AGAP1: variants seen among roughly 807,000 people sequenced by gnomAD.
AGAP1 encodes ArfGAP with GTPase domain, ankyrin repeat and PH domain 1, also known as arf-GAP with GTPase, ANK repeat and PH domain-containing protein 1.
A neutral mutation model predicts 105.3 loss-of-function variants in AGAP1; 29 were observed. The ratio of observed to expected loss-of-function variants is 0.28; its 90% CI spans 0.21 to 0.38. The LOEUF (loss-of-function observed/expected upper bound fraction) is 0.38, where lower values mean the gene tolerates loss of function less well. AGAP1 is among the 10% of genes least tolerant of loss of function. The pLI, the probability that AGAP1 is intolerant of heterozygous loss-of-function variation, is 1.00. For missense variants in AGAP1, 998 were observed against 1,165.1 expected (o/e 0.86, Z 2.09); for synonymous variants, 509 against 485.9 (o/e 1.05, Z -0.63).
rs962221388 is a variant in AGAP1, at chr2:236,003,408, G to A, written c.1646-33153G>A. On this transcript the variant is annotated intron_variant, in intron 13 of 17. Coordinates refer to ENST00000304032, the MANE Select transcript of AGAP1 (RefSeq NM_001037131.3). The surrounding 1 kb of genome is among the most constrained non-coding windows in gnomAD (Gnocchi z 4.2). Reference sequence around the variant, plus strand: ...GGCCTTGACCTCACGCAGCAGGGGAGGATGCTGGCCCACACCAAGGCACCA... The same window carrying A: ...GGCCTTGACCTCACGCAGCAGGGGAAGATGCTGGCCCACACCAAGGCACCA... Among the ~76,000 whole-genome samples the A allele has an allele frequency of 6.6e-6, 1 of 152,152 alleles. No homozygotes were observed. The highest frequency in any genetic ancestry group is 2.4e-5 in the African/African-American group (1 of 41,434).
chr2:235,589,788 C>T (rs1011475993), intron 1 of AGAP1, among the ~76,000 whole-genome samples: 1 of 152,092 alleles, frequency 6.6e-6, no homozygotes, highest in African/African-American at 2.4e-5. Flanking sequence ...CCAGGACTCA[C>T]TCTGAGTTGG....
chr2:236,103,399 A>G (rs2059407169), intron 16 of AGAP1, among the ~76,000 whole-genome samples: 1 of 151,914 alleles, frequency 6.6e-6, no homozygotes, highest in African/African-American at 2.4e-5. Context: ...TTTTGTTCAC[A>G]GCCTGTGCAG....
chr2:235,811,483 A>G (rs910484628), intron 9 of AGAP1, among the ~76,000 whole-genome samples: 3 of 152,254 alleles, frequency 2.0e-5, no homozygotes, highest in Admixed American at 2.0e-4. Context: ...TTCAGAGAAT[A>G]AAAAAGAATA....
chr2:235,672,702 CTG>C (rs2149366557), intron 1 of AGAP1, among the ~76,000 whole-genome samples: 1 of 152,324 alleles, frequency 6.6e-6, no homozygotes, highest in East Asian at 1.9e-4. Context: ...CAGTAATTAG[CTG>C]CCTCGGTTCC....
At chr2:235,975,982 A>C (rs10165512) in intron 13 of AGAP1, among the ~76,000 whole-genome samples, 4 of 152,206 alleles carry the variant, frequency 2.6e-5, no homozygotes, top group Non-Finnish European at 4.4e-5. Context: ...TCATTATAGC[A>C]AATGTGGAAA....
chr2:235,941,470 A>G (rs926957598), intron 12 of AGAP1, among the ~76,000 whole-genome samples: 3 of 152,236 alleles, frequency 2.0e-5, no homozygotes, highest in African/African-American at 7.2e-5. Context: ...GAATCGACGG[A>G]TAATCACTAA....
In AGAP1 at chr2:235,777,411, T is replaced by C. The variant is rs138888973; in HGVS notation, c.674-20348T>C. 2.0e-5 allele frequency among the ~76,000 whole-genome samples: 3 copies of C among 152,266 alleles called. No individual in the cohort carries two copies. The highest frequency in any genetic ancestry group is 7.2e-5 in the African/African-American group (3 of 41,560). ...GAGCTGGAGACAGAACCAGCAGACA[T>C]GGGACAGAAGAAGAATTACAGGTGT... On this transcript the variant is annotated intron_variant, in intron 6 of 17. Coordinates refer to ENST00000304032, the MANE Select transcript of AGAP1 (RefSeq NM_001037131.3). The surrounding 1 kb of genome is among the most constrained non-coding windows in gnomAD (Gnocchi z 5.1).
chr2:235,686,648 TATATATATATA>T (rs1949444158), intron 1 of AGAP1, among the ~76,000 whole-genome samples: 1 of 47,622 alleles, frequency 2.1e-5, no homozygotes, highest in African/African-American at 1.1e-4. Flanking sequence ...TATATATAGA[TATATATATATA>T]TATATATTTT....
chr2:235,943,514 T>A (rs890169434), intron 12 of AGAP1, among the ~76,000 whole-genome samples: 67 of 152,136 alleles, frequency 4.4e-4, no homozygotes, highest in African/African-American at 1.6e-3. Context: ...TATGCCTGGC[T>A]AATTTTTGTA....
chr2:236,070,721 A>G (rs941492708), intron 16 of AGAP1, among the ~76,000 whole-genome samples: 7 of 152,182 alleles, frequency 4.6e-5, no homozygotes, highest in Admixed American at 6.5e-5. Context: ...AATGGCCAGA[A>G]TAGGCCAATC....
At chr2:235,654,277 T>G (rs1024981878) in intron 1 of AGAP1, among the ~76,000 whole-genome samples, 4 of 152,220 alleles carry the variant, frequency 2.6e-5, no homozygotes, top group African/African-American at 7.2e-5. Context: ...TCGCCTGGCC[T>G]CTTTGTGGCA....
rs115926624 is a variant in AGAP1 at position 235,810,259 on chromosome 2, C to T, written c.1050+2928C>T. Among the ~76,000 whole-genome samples the T allele has an allele frequency of 3.1e-3, 470 of 151,542 alleles. 3 individuals are homozygous for T. Among genetic ancestry groups the T allele is most frequent in the African/African-American group, 0.011 (454 of 40,824 alleles). The stretch of plus-strand genomic sequence containing the variant: ...CGGGTGGGAGGCGTCATTCCATTCC[C>T]ATCCTTACCGTGTTTGCCGCAAACA... On this transcript the variant is annotated intron_variant, in intron 9 of 17. Coordinates refer to ENST00000304032, the MANE Select transcript of AGAP1 (RefSeq NM_001037131.3).
chr2:235,937,194 C>G (rs1010263141), intron 12 of AGAP1, among the ~76,000 whole-genome samples: 1 of 152,180 alleles, frequency 6.6e-6, no homozygotes, highest in Non-Finnish European at 1.5e-5. Context: ...TCTCTCAAAG[C>G]TGGGCACTCC....
At chr2:235,897,705 CAGTA>C (rs1194300565) in intron 10 of AGAP1, among the ~76,000 whole-genome samples, 4 of 152,172 alleles carry the variant, frequency 2.6e-5, no homozygotes, top group Non-Finnish European at 5.9e-5. Flanking sequence ...TCCTCAGCAA[CAGTA>C]AGTCACAGCC....
In AGAP1 at chr2:236,109,491, T is replaced by A. The variant is rs1371880634; in HGVS notation, c.2115-10701T>A. ...GAGGAGGAAGGAAAAACTGAGATGATCTAGATCCGTGCATCCTCTGTAATG... is the reference window on the plus strand; with the variant it reads ...GAGGAGGAAGGAAAAACTGAGATGAACTAGATCCGTGCATCCTCTGTAATG... On this transcript the variant is annotated intron_variant, in intron 16 of 17. Transcript: ENST00000304032. This position sits in a 1 kb window ranked among gnomAD's most constrained non-coding sequence, Gnocchi z 5.4. Among the ~76,000 whole-genome samples the A allele has an allele frequency of 6.6e-6, 1 of 152,200 alleles. No homozygotes were observed. Among genetic ancestry groups the A allele is most frequent in the Non-Finnish European group, 1.5e-5 (1 of 68,034 alleles).
chr2:235,832,556 A>G (rs2106348194), intron 9 of AGAP1, among the ~76,000 whole-genome samples: 1 of 152,362 alleles, frequency 6.6e-6, no homozygotes. Flanking sequence ...AATGGGTGAC[A>G]TTTTATAAGT....
chr2:235,572,167 T>C (rs1256291759), intron 1 of AGAP1, among the ~76,000 whole-genome samples: 1 of 151,744 alleles, frequency 6.6e-6, no homozygotes, highest in South Asian at 2.1e-4. Flanking sequence ...GAAGAAAGTG[T>C]TACCAGGTGG....
rs562133972 is a variant in AGAP1, at chr2:236,131,484, T to G, written c.*7362T>G. 6.6e-6 allele frequency: 1 copy of G among 152,244 alleles called. No homozygotes were observed. Among genetic ancestry groups the G allele is most frequent in the Non-Finnish European group, 1.5e-5 (1 of 68,018 alleles). 9.4% of individuals were successfully genotyped at this position (152,244 alleles called of 1,614,324 possible). ...GCGTGGGTGTATCCACAGATGGGTTTAGGTTTTTTTTTTGGATGTTTTCTA... is the reference window on the plus strand; with the variant it reads ...GCGTGGGTGTATCCACAGATGGGTTGAGGTTTTTTTTTTGGATGTTTTCTA... On this transcript the variant is annotated 3_prime_UTR_variant, in exon 18 of 18. Transcript: ENST00000304032. The surrounding 1 kb of genome is among the most constrained non-coding windows in gnomAD (Gnocchi z 5.9).
In AGAP1 at chr2:235,601,057, A is replaced by C. The variant is rs717518; in HGVS notation, c.163+106208A>C. On this transcript the variant is annotated intron_variant, in intron 1 of 17. Transcript: ENST00000304032. The surrounding 1 kb of genome is among the most constrained non-coding windows in gnomAD (Gnocchi z 4.4). ...AGCCAAGCTGGGAAACGCCACTGCC[A>C]CAGTACCTGCAGGGTCCAGCCAGCT... 0.58 allele frequency among the ~76,000 whole-genome samples: 88,430 copies of C among 152,108 alleles called. 28,799 individuals carry two copies. The highest frequency in any genetic ancestry group is 0.9 in the African/African-American group (37,173 of 41,514).
Sources: gnomAD v4.1 joint callset for allele counts (sites outside exome capture counted in the v4.1 genomes callset) on GRCh38, gnomAD v4.1.1 for gene constraint, Gnocchi (gnomAD v3.1) non-coding constraint, MANE v1.5 for transcripts, NCBI Gene and HGNC (gene_info 2026-07-23, HGNC 2026-07-21) for gene names.